The following HOXC4 variants were observed in gnomAD, a reference collection of about 807,000 sequenced individuals.
HOXC4 encodes homeobox protein Hox-C4.
HOXC4 carries 15 observed loss-of-function variants against 25.5 expected under a neutral mutation model. The ratio of observed to expected loss-of-function variants is 0.59; its 90% CI spans 0.39 to 0.91. The LOEUF is 0.91. Among genes scored for constraint, HOXC4 ranks in the 40% least tolerant of loss-of-function variants. The pLI is 0.00. For missense variants in HOXC4, 342 were observed against 352.4 expected, an observed-to-expected ratio of 0.97 and a Z score of 0.24; for synonymous variants, 165 against 148.0, an observed-to-expected ratio of 1.11 and a Z score of -0.83.
rs144615068 is a variant in HOXC4 at position 54,048,286 on chromosome 12, G to A, written c.-123-4874G>A. ...CTGGTATGGCTGGGTCAGCCCAGGA[G>A]ACCGCGCTCTCCAAAGTTCTTTCTC... On this transcript the variant is annotated intron_variant, in intron 1 of 3. Transcript: ENST00000303406. Among the ~76,000 whole-genome samples the A allele has an allele frequency of 3.9e-3, 587 of 152,210 alleles. 6 individuals carry two copies. Among genetic ancestry groups the A allele is most frequent in the African/African-American group, 0.013 (556 of 41,542 alleles).
chr12:54,027,940 A>G (rs1332741222), intron 1 of HOXC4, among the ~76,000 whole-genome samples: 1 of 152,114 alleles, frequency 6.6e-6, no homozygotes, highest in Non-Finnish European at 1.5e-5. Flanking sequence ...ATACTAGTTT[A>G]GTGATGGGAC....
At chr12:54,021,582 T>C (rs1048299332) in intron 1 of HOXC4, 1 of 152,236 alleles carries the variant, frequency 6.6e-6, no homozygotes. Context: ...CTACTCTCTC[T>C]AGGTGATCGG....
At chr12:54,022,484 A>T (rs1039403025) in intron 1 of HOXC4, 1 of 152,050 alleles carries the variant, frequency 6.6e-6, no homozygotes, top group African/African-American at 2.4e-5. Flanking sequence ...TAATATTCTC[A>T]TTTCTGAAAT....
rs192776611 is a variant in HOXC4 at position 54,038,969 on chromosome 12, G to C, written c.-123-14191G>C. On this transcript the variant is annotated intron_variant, in intron 1 of 3. Transcript: ENST00000303406. Reference sequence around the variant, plus strand: ...GTTTCTAGGAAGGAGCAGCAGAAGCGTTGGGCATGAGAGGCACATGTCTTC... The same window carrying C: ...GTTTCTAGGAAGGAGCAGCAGAAGCCTTGGGCATGAGAGGCACATGTCTTC... 6.6e-5 allele frequency among the ~76,000 whole-genome samples: 10 copies of C among 152,272 alleles called. No homozygotes were observed. The South Asian group carries it at 2.1e-3, about 32-fold the overall frequency.
chr12:54,054,197 A>G lies in HOXC4; in HGVS notation c.275A>G (p.Glu92Gly). 6.2e-7 allele frequency: 1 copy of G among 1,612,904 alleles called. No homozygotes were observed. The highest frequency in any genetic ancestry group is 1.1e-5 in the South Asian group (1 of 90,994). The change falls in exon 1 of 2, where the codon GAG becomes GGG. Residue 92 changes from glutamate (E) to glycine (G), a missense_variant. Coordinates refer to ENST00000430889, the MANE Select transcript of HOXC4 (RefSeq NM_153633.3). ...GCCCAGGCGGGCCACCACCACCCCGAGAAATCACAGTCGCTCTGCGAGCCG... is the reference window on the plus strand; with the variant it reads ...GCCCAGGCGGGCCACCACCACCCCGGGAAATCACAGTCGCTCTGCGAGCCG... ...GPAQAGHHHP[E>G]KSQSLCEPAP... is the part of the protein sequence containing the mutation.
At chr12:54,038,290 G>T (rs754578123) in intron 1 of HOXC4, among the ~76,000 whole-genome samples, 27 of 152,296 alleles carry the variant, frequency 1.8e-4, no homozygotes, top group Non-Finnish European at 2.4e-4. Flanking sequence ...TTAGAGATTT[G>T]CCAGGTCTTC....
At chr12:54,043,968 T>TGTGTGTGTGTG (rs1565750575) in intron 1 of HOXC4, among the ~76,000 whole-genome samples, 2 of 60,460 alleles carry the variant, frequency 3.3e-5, no homozygotes. Context: ...GTGTGTGTGT[T>TGTGTGTGTGTG]TAGGGAGTAG....
chr12:54,040,050 C>T (rs1231859153), intron 1 of HOXC4, among the ~76,000 whole-genome samples: 1 of 152,096 alleles, frequency 6.6e-6, no homozygotes, highest in Non-Finnish European at 1.5e-5. Flanking sequence ...AATAGTTTGC[C>T]TCAGTTTTTT....
chr12:54,017,926 C>G (rs535222680), intron 1 of HOXC4, among the ~76,000 whole-genome samples: 8 of 152,232 alleles, frequency 5.3e-5, no homozygotes, highest in African/African-American at 1.9e-4. Flanking sequence ...TCCCAGAGAG[C>G]GCGACTGCTA....
At chr12:54,036,709 A>C (rs1941191290) in intron 1 of HOXC4, among the ~76,000 whole-genome samples, 1 of 151,846 alleles carries the variant, frequency 6.6e-6, no homozygotes, top group Admixed American at 6.6e-5. Flanking sequence ...AAAATGTGTA[A>C]TTTTCTTCAG....
At chr12:54,025,772 TC>T (rs996804147) in intron 1 of HOXC4, among the ~76,000 whole-genome samples, 1 of 152,016 alleles carries the variant, frequency 6.6e-6, no homozygotes, top group African/African-American at 2.4e-5. Flanking sequence ...GTCGCCAACC[TC>T]CCTGAGCCCA....
At chr12:54,018,665 C>G (rs1036998606) in intron 1 of HOXC4, among the ~76,000 whole-genome samples, 7 of 152,184 alleles carry the variant, frequency 4.6e-5, no homozygotes, top group African/African-American at 1.7e-4. Context: ...GGCCTGGGTC[C>G]GAGGCTCCGA....
chr12:54,049,280 C>T (rs1181395329), upstream of HOXC4, among the ~76,000 whole-genome samples: 2 of 152,194 alleles, frequency 1.3e-5, no homozygotes, highest in Admixed American at 6.5e-5. Flanking sequence ...AATGGAGTTT[C>T]CCCATCAATA....
In HOXC4 at chr12:54,054,007, A is replaced by C; in HGVS notation, c.85A>C (p.Ile29Leu). Reference protein sequence around the residue: ...PCEEYSQNSYIPEHSPEYYGR... With the variant: ...PCEEYSQNSYLPEHSPEYYGR... The stretch of plus-strand genomic sequence containing the variant: ...CGAAGAATATTCGCAAAATAGCTAC[A>C]TCCCTGAACACAGTCCGGAATATTA... The change falls in exon 1 of 2, where the codon ATC becomes CTC. Residue 29 changes from isoleucine (I) to leucine (L), a missense_variant. Ile to Leu is a conservative substitution (Grantham distance 5, BLOSUM62 2). Transcript: ENST00000430889. 4.3e-6 allele frequency: 7 copies of C among 1,614,142 alleles called. No individual in the cohort carries two copies. The highest frequency in any genetic ancestry group is 5.9e-6 in the Non-Finnish European group (7 of 1,179,986).
At chr12:54,052,576 G>GC (rs1565753881), upstream of HOXC4, among the ~76,000 whole-genome samples, 1 of 150,536 alleles carries the variant, frequency 6.6e-6, no homozygotes, top group Non-Finnish European at 1.5e-5. Context: ...AGCTGGGGGG[G>GC]GGGGGTGGTG....
chr12:54,035,601 G>A (rs12422600), intron 1 of HOXC4, among the ~76,000 whole-genome samples: 44,760 of 152,120 alleles, frequency 0.29, 7,521 homozygotes, highest in East Asian at 0.43. Flanking sequence ...CCCATGCTGT[G>A]GCTGTCCAAG....
At chr12:54,030,855 C>A (rs914978209) in intron 1 of HOXC4, 3 of 152,254 alleles carry the variant, frequency 2.0e-5, no homozygotes, top group Non-Finnish European at 4.4e-5. Flanking sequence ...GCTCGCCCGC[C>A]GGCCTCAGGG....
chr12:54,054,448 T>A, intron 1 of HOXC4, 87 bp downstream of exon 1: 1 of 735,242 alleles, frequency 1.4e-6, no homozygotes, highest in Non-Finnish European at 2.1e-6. Flanking sequence ...GCCCCCGTCC[T>A]CCTTTCTCTC....
chr12:54,033,183 A>G lies in HOXC4; in HGVS notation c.-124+15769A>G, dbSNP rs754101875. The G allele has an allele frequency of 5.0e-6, 8 of 1,614,174 alleles. No homozygotes were observed. The South Asian group carries it at 6.6e-5, about 13-fold the overall frequency. ...GAGCCCCAATATCCCTGCCTATAAC[A>G]TGCAAACTTGTGGGAACTATGGATC... On this transcript the variant is annotated intron_variant, in intron 1 of 3. Coordinates refer to the HOXC4 transcript ENST00000303406.
Sources: allele counts gnomAD v4.1 joint callset (sites outside exome capture counted in the v4.1 genomes callset), GRCh38; gene constraint gnomAD v4.1.1; transcripts MANE v1.5; gene names NCBI Gene and HGNC (gene_info 2026-07-23, HGNC 2026-07-21).